Variants in LMX1B observed in about 807,000 individuals in gnomAD.
The protein encoded by LMX1B is LIM homeobox transcription factor 1 beta.
Under a neutral mutation model 51.4 loss-of-function variants are expected in LMX1B, and 12 were observed. The observed-to-expected ratio is 0.23, with a 90% CI of 0.15 to 0.38. LMX1B has a LOEUF of 0.38. LMX1B is among the 10% of genes least tolerant of loss of function. The pLI, the probability that LMX1B is intolerant of heterozygous loss-of-function variation, is 1.00. For missense variants in LMX1B, 445 were observed against 571.1 expected (o/e 0.78, Z 2.25); for synonymous variants, 237 against 235.4 (o/e 1.01, Z -0.06).
In LMX1B at chr9:126,677,681, C is replaced by T. The variant is rs191968211; in HGVS notation, c.327-13155C>T. On this transcript the variant is annotated intron_variant, in intron 2 of 7. Transcript: ENST00000373474. This position sits in a 1 kb window ranked among gnomAD's most constrained non-coding sequence, Gnocchi z 5.0. ...AGGCCCCTGAGTGTGAAGCTCTGAG[C>T]ACAGGGCTGAACTGGTTCCCGTGAG... Among the ~76,000 whole-genome samples, 1 of 152,184 alleles carries T rather than the reference C, an allele frequency of 6.6e-6. No individual in the cohort carries two copies. Among genetic ancestry groups the T allele is most frequent in the Non-Finnish European group, 1.5e-5 (1 of 68,038 alleles).
At chr9:126,630,345 G>A (rs1835611178) in intron 2 of LMX1B, among the ~76,000 whole-genome samples, 1 of 152,014 alleles carries the variant, frequency 6.6e-6, no homozygotes. Context: ...CGGGAACCCA[G>A]GCTTGGGGGA....
intron 2 of LMX1B, among the ~76,000 whole-genome samples, chr9:126,635,906 G>C (rs1299271204): frequency 2.0e-5 from 3 of 152,218 alleles, no homozygotes; most frequent in Non-Finnish European, 4.4e-5. Flanking sequence ...AACCTGCCCT[G>C]TGGGCTGCCA....
At chr9:126,628,551 G>A (rs1232469322) in intron 2 of LMX1B, among the ~76,000 whole-genome samples, 4 of 152,208 alleles carry the variant, frequency 2.6e-5, no homozygotes, top group African/African-American at 9.7e-5. Context: ...GTCTTAGAGC[G>A]ATGGAATCTC....
chr9:126,617,020 T>G (rs1835315804), intron 2 of LMX1B, among the ~76,000 whole-genome samples: 1 of 152,226 alleles, frequency 6.6e-6, no homozygotes, highest in Admixed American at 6.5e-5. Flanking sequence ...CACCCCAGAT[T>G]TAGGCACACT....
intron 2 of LMX1B, among the ~76,000 whole-genome samples, chr9:126,649,129 G>A (rs1490548124): frequency 1.3e-5 from 2 of 151,774 alleles, no homozygotes; most frequent in African/African-American, 4.8e-5. Context: ...TTGACCCCCT[G>A]ACCATCACTC....
rs1440935127 is a variant in LMX1B, at chr9:126,641,016, T to C, written c.326+25447T>C. Reference sequence around the variant, plus strand: ...GAGTTGAGAGAGACTCCAGAAGCACTTCCAAGTGACCTGCCTGGAAGTGAC... The same window carrying C: ...GAGTTGAGAGAGACTCCAGAAGCACCTCCAAGTGACCTGCCTGGAAGTGAC... On this transcript the variant is annotated intron_variant, in intron 2 of 7. Transcript: ENST00000373474. The surrounding 1 kb of genome is among the most constrained non-coding windows in gnomAD (Gnocchi z 4.1). 6.6e-6 allele frequency: 1 copy of C among 152,266 alleles called. No individual in the cohort carries two copies. Among genetic ancestry groups the C allele is most frequent in the Non-Finnish European group, 1.5e-5 (1 of 68,092 alleles). The allele number at this position is 152,266 out of a possible 1,614,324, so 9.4% of individuals were successfully genotyped here. A position where few individuals can be genotyped will look rare whatever the true frequency, so the allele number is the denominator to read the frequency against.
At chr9:126,693,629 G>A (rs1554728740) in intron 5 of LMX1B, 28 bp downstream of exon 5, 1 of 1,613,244 alleles carries the variant, frequency 6.2e-7, no homozygotes, top group Admixed American at 1.7e-5. Flanking sequence ...ATCCCCACTG[G>A]CCCCGGGTAG....
chr9:126,625,978 A>G lies in LMX1B; in HGVS notation c.326+10409A>G, dbSNP rs1835520491. On this transcript the variant is annotated intron_variant, in intron 2 of 7. Transcript: ENST00000373474. The surrounding 1 kb of genome is among the most constrained non-coding windows in gnomAD (Gnocchi z 5.3). The stretch of plus-strand genomic sequence containing the variant: ...GGTCACTGCACCGGCTGAAAAAACC[A>G]AAAGCAAAACCAACACCCAGAAACG... 6.6e-6 allele frequency among the ~76,000 whole-genome samples: 1 copy of G among 152,234 alleles called. No individual in the cohort carries two copies. Among genetic ancestry groups the G allele is most frequent in the South Asian group, 2.1e-4 (1 of 4,834 alleles).
Position 126,613,993 on chromosome 9 carries a change from G to T in LMX1B, c.-457G>T, listed in dbSNP as rs932853751. Among the ~76,000 whole-genome samples the T allele has an allele frequency of 1.4e-5, 2 of 143,772 alleles. No homozygotes were observed. The highest frequency in any genetic ancestry group is 5.0e-5 in the African/African-American group (2 of 40,068). 94.3% of individuals were successfully genotyped at this position (143,772 alleles called of 152,430 possible). A position where few individuals can be genotyped will look rare whatever the true frequency, so the allele number is the denominator to read the frequency against. ...GGCACTGGAGTAGCGCGGGGAGCGC[G>T]CCCGGAGCCCCGCGGCCCGCTGCGC... On this transcript the variant is annotated 5_prime_UTR_variant, in exon 1 of 8. Coordinates refer to ENST00000373474, the MANE Select transcript of LMX1B (RefSeq NM_001174147.2). The surrounding 1 kb of genome is among the most constrained non-coding windows in gnomAD (Gnocchi z 4.5).
At chr9:126,679,762 C>T (rs1329382292) in intron 2 of LMX1B, among the ~76,000 whole-genome samples, 1 of 152,178 alleles carries the variant, frequency 6.6e-6, no homozygotes, top group Non-Finnish European at 1.5e-5. Flanking sequence ...TCCCTTCATG[C>T]CATTGTGGTT....
chr9:126,657,106 A>AT (rs1564157276), intron 2 of LMX1B, among the ~76,000 whole-genome samples: 3 of 152,192 alleles, frequency 2.0e-5, no homozygotes, highest in African/African-American at 7.2e-5. Flanking sequence ...CACTTGTGCA[A>AT]TTTTTTCAAT....
intron 2 of LMX1B, among the ~76,000 whole-genome samples, chr9:126,688,202 A>C (rs942370097): frequency 2.0e-5 from 3 of 152,148 alleles, no homozygotes; most frequent in Admixed American, 6.5e-5. Flanking sequence ...TTAATAATAG[A>C]TTGTGTTGAT....
chr9:126,622,453 G>A (rs538938489), intron 2 of LMX1B, among the ~76,000 whole-genome samples: 2 of 152,304 alleles, frequency 1.3e-5, no homozygotes, highest in African/African-American at 4.8e-5. Context: ...CTGCTGGGTA[G>A]CTGAAGATGA....
chr9:126,661,896 T>G lies in LMX1B; in HGVS notation c.327-28940T>G, dbSNP rs1178778747. Among the ~76,000 whole-genome samples, 4 of 152,270 alleles carry G rather than the reference T, an allele frequency of 2.6e-5. No homozygotes were observed. The East Asian group carries it at 7.7e-4, about 29-fold the overall frequency. On this transcript the variant is annotated intron_variant, in intron 2 of 7. Coordinates refer to ENST00000373474, the MANE Select transcript of LMX1B (RefSeq NM_001174147.2). ...AGCCCTCAGCCGCCTCAATCAGTCATCTCCCTACCCTCTGAACAGCTGGTG... is the reference window on the plus strand; with the variant it reads ...AGCCCTCAGCCGCCTCAATCAGTCAGCTCCCTACCCTCTGAACAGCTGGTG...
intron 2 of LMX1B, among the ~76,000 whole-genome samples, chr9:126,643,252 A>C (rs1327726189): frequency 2.0e-5 from 3 of 152,066 alleles, no homozygotes; most frequent in Non-Finnish European, 4.4e-5. Flanking sequence ...CTTTCCAGAC[A>C]GCTGCAGGAG....
At chr9:126,693,705 G>T in intron 5 of LMX1B, 41 bp from the exon 6 acceptor site, 1 of 1,577,224 alleles carries the variant, frequency 6.3e-7, no homozygotes, top group Non-Finnish European at 8.6e-7. Context: ...TGTGCCTGGG[G>T]GCGAGGGGCA....
chr9:126,696,185 G>A, intron 7 of LMX1B, 109 bp from the exon 8 acceptor site: 1 of 1,266,778 alleles, frequency 7.9e-7, no homozygotes, highest in Non-Finnish European at 1.2e-6. Context: ...CTAGTCAGCA[G>A]GCCATCCTGT....
rs7867986 is a variant in LMX1B at position 126,673,562 on chromosome 9, C to T, written c.327-17274C>T. Among the ~76,000 whole-genome samples the T allele has an allele frequency of 2.0e-5, 3 of 151,948 alleles. No individual in the cohort carries two copies. The highest frequency in any genetic ancestry group is 4.8e-5 in the African/African-American group (2 of 41,308). On this transcript the variant is annotated intron_variant, in intron 2 of 7. Transcript: ENST00000373474. The surrounding 1 kb of genome is among the most constrained non-coding windows in gnomAD (Gnocchi z 4.4). ...AGATTTGGGGCCAAACATGAGGCCACGGGGTTTTTGAGGGGGTGGTTCCCC... is the reference window on the plus strand; with the variant it reads ...AGATTTGGGGCCAAACATGAGGCCATGGGGTTTTTGAGGGGGTGGTTCCCC...
At chr9:126,649,918 G>A (rs757036044) in intron 2 of LMX1B, among the ~76,000 whole-genome samples, 3 of 152,192 alleles carry the variant, frequency 2.0e-5, no homozygotes, top group Admixed American at 1.3e-4. Flanking sequence ...GTGAGCCACC[G>A]AGCCTGGCAG....
Sources: gnomAD v4.1 joint callset for allele counts (sites outside exome capture counted in the v4.1 genomes callset) on GRCh38, gnomAD v4.1.1 for gene constraint, Gnocchi (gnomAD v3.1) non-coding constraint, MANE v1.5 for transcripts, NCBI Gene and HGNC (gene_info 2026-07-23, HGNC 2026-07-21) for gene names.